FER1L5: variants seen among roughly 807,000 people sequenced by gnomAD.
FER1L5 encodes fer-1 like family member 5.
Under a neutral mutation model 279.9 loss-of-function variants are expected in FER1L5, and 187 were observed. The ratio of observed to expected loss-of-function variants is 0.67; its 90% CI spans 0.59 to 0.75. FER1L5 has a LOEUF of 0.75. Ranked by LOEUF, FER1L5 falls within the 30% of genes least tolerant of loss-of-function variation. FER1L5 has a pLI of 0.00. For missense variants in FER1L5, 2,091 were observed against 2,594.4 expected, an observed-to-expected ratio of 0.81 and a Z score of 4.21; for synonymous variants, 921 against 989.7, an observed-to-expected ratio of 0.93 and a Z score of 1.30.
Position 96,670,229 on chromosome 2 carries a change from T to C in FER1L5, c.1473T>C (p.His491=). Residue 491 remains histidine (H), a synonymous_variant, in exon 18 of 53, where the codon CAT becomes CAC. Coordinates refer to ENST00000624922, the MANE Select transcript of FER1L5 (RefSeq NM_001293083.2). ...YQDSTIKDLS[H]EVTRIEKHQN... ...ACTCCACGATAAAGGATCTCTCCCATGAAGTGACCAGGATAGAGGTAACTG... is the reference window on the plus strand; with the variant it reads ...ACTCCACGATAAAGGATCTCTCCCACGAAGTGACCAGGATAGAGGTAACTG... The C allele has an allele frequency of 6.4e-7, 1 of 1,551,552 alleles. No homozygotes were observed. Among genetic ancestry groups the C allele is most frequent in the South Asian group, 1.2e-5 (1 of 84,060 alleles).
At chr2:96,651,470 TCCCTC>T (rs2075379359) in intron 6 of FER1L5, among the ~76,000 whole-genome samples, 2 of 147,332 alleles carry the variant, frequency 1.4e-5, no homozygotes, top group African/African-American at 2.5e-5. Context: ...CCTTCCTCCG[TCCCTC>T]CCTCCCTCCC....
chr2:96,663,935 C>T (rs771480050), intron 14 of FER1L5, among the ~76,000 whole-genome samples: 2 of 151,940 alleles, frequency 1.3e-5, no homozygotes, highest in Admixed American at 6.6e-5. Context: ...TCCAGCTACT[C>T]GGGAGGGTGA....
At chr2:96,668,709 T>C in intron 14 of FER1L5, 42 bp from the exon 15 acceptor site, 1 of 1,550,478 alleles carries the variant, frequency 6.4e-7, no homozygotes, top group Non-Finnish European at 8.7e-7. Context: ...GGCCAGACCA[T>C]CCCAATGTGT....
chr2:96,687,904 T>C lies in FER1L5; in HGVS notation c.2318T>C (p.Leu773Pro). The C allele has an allele frequency of 6.4e-7, 1 of 1,551,086 alleles. No homozygotes were observed. The highest frequency in any genetic ancestry group is 8.7e-7 in the Non-Finnish European group (1 of 1,146,970). ...GGCAATGTCACAGACAGCAAGGACCTGCAGCTGCTCCGCCAGGGTGACACA... is the reference window on the plus strand; with the variant it reads ...GGCAATGTCACAGACAGCAAGGACCCGCAGCTGCTCCGCCAGGGTGACACA... ...WLGNVTDSKDLQLLRQGDTAV... is the reference protein window; with the variant it reads ...WLGNVTDSKDPQLLRQGDTAV... The change falls in exon 24 of 53, where the codon CTG becomes CCG. Residue 773 changes from leucine to proline, a missense_variant. Transcript: ENST00000624922.
At chr2:96,659,473 CTT>C (rs1251894581) in intron 9 of FER1L5, among the ~76,000 whole-genome samples, 2 of 27,668 alleles carry the variant, frequency 7.2e-5, no homozygotes, top group African/African-American at 6.5e-4. Context: ...TTCTTTCTTT[CTT>C]TCTTTCTTTC....
chr2:96,659,481 C>CTTTCTTTCTTTCTTTCT (rs1558855448), intron 9 of FER1L5, among the ~76,000 whole-genome samples: 1 of 31,374 alleles, frequency 3.2e-5, no homozygotes, highest in African/African-American at 2.8e-4. Flanking sequence ...TTCTTTCTTT[C>CTTTCTTTCTTTCTTTCT]TTTCTTTCTT....
chr2:96,687,732 G>GGGA, intron 23 of FER1L5, 84 bp from the exon 24 acceptor site: 1 of 1,492,852 alleles, frequency 6.7e-7, no homozygotes, highest in East Asian at 2.6e-5. Flanking sequence ...GGGGGAAGGG[G>GGGA]CAGGTACAGC....
intron 21 of FER1L5, among the ~76,000 whole-genome samples, 176 bp downstream of exon 21, chr2:96,685,605 C>T (rs2076891792): frequency 6.6e-6 from 1 of 152,200 alleles, no homozygotes; most frequent in Non-Finnish European, 1.5e-5. Context: ...ATTCAGGCCC[C>T]CTGACCGCCC....
intron 23 of FER1L5, 198 bp from the exon 24 acceptor site, chr2:96,687,618 C>T (rs922480467): frequency 1.2e-5 from 9 of 749,676 alleles, no homozygotes; most frequent in African/African-American, 3.5e-5. Context: ...CTTCATGGCT[C>T]CCAGGGTGGA....
chr2:96,651,253 T>A (rs1042972283), intron 6 of FER1L5, among the ~76,000 whole-genome samples: 1 of 127,744 alleles, frequency 7.8e-6, no homozygotes. Context: ...CTTTCTTTCT[T>A]TCTTTCTTTC....
chr2:96,700,254 G>A (rs1001495039), intron 44 of FER1L5, 78 bp from the exon 45 acceptor site: 19 of 1,593,748 alleles, frequency 1.2e-5, no homozygotes, highest in African/African-American at 6.7e-5. Context: ...GGCTGCGGTC[G>A]GGAGGGTAAG....
intron 14 of FER1L5, 106 bp downstream of exon 14, chr2:96,663,613 A>G (rs2076026772): frequency 7.9e-7 from 1 of 1,261,690 alleles, no homozygotes; most frequent in Non-Finnish European, 1.1e-6. Flanking sequence ...GCCAAAAAGC[A>G]TGGCAAGGGG....
Position 96,700,140 on chromosome 2 carries a change from TC to T in FER1L5, c.4930+62del, listed in dbSNP as rs1319487534. 32 of 1,600,088 alleles carry T rather than the reference TC, an allele frequency of 2.0e-5. 1 individual carries two copies. The stretch of plus-strand genomic sequence containing the variant: ...CACAGGCCTCTGGAAGCTGTGAGGC[TC>T]CAGAATGGAAGAGCTGCAGACTTGG... On this transcript the variant is annotated intron_variant, in intron 44 of 52. Transcript: ENST00000624922.
In FER1L5 at chr2:96,699,777, C is replaced by T. The variant is rs548296020; in HGVS notation, c.4781+57C>T. ...CAGGTGGGGTGGAAGAGTGAGCCTA[C>T]AGCTCCCTTGGGAGAAGCCTGCATC... is the stretch of plus-strand genomic sequence containing the variant. On this transcript the variant is annotated intron_variant, in intron 43 of 52. Transcript: ENST00000624922. 3.7e-6 allele frequency: 6 copies of T among 1,601,628 alleles called. No individual in the cohort carries two copies. In the African/African-American group the frequency reaches 5.4e-5, roughly 14 times the overall value.
rs139057026 is a variant in FER1L5, at chr2:96,644,720, T to C, written c.86-1681T>C. On this transcript the variant is annotated intron_variant, in intron 1 of 52. Coordinates refer to ENST00000624922, the MANE Select transcript of FER1L5 (RefSeq NM_001293083.2). ...CTGTTGTTCTGTGAAACTATGCTTG[T>C]TGAACACAGCAATATTCAGAGATTG... 4.6e-5 allele frequency among the ~76,000 whole-genome samples: 7 copies of C among 152,338 alleles called. No homozygotes were observed. In the East Asian group the frequency reaches 1.3e-3, roughly 29 times the overall value.
rs183733655 is a variant in FER1L5, at chr2:96,665,997, C to T, written c.1140+2490C>T. On this transcript the variant is annotated intron_variant, in intron 14 of 52. Coordinates refer to ENST00000624922, the MANE Select transcript of FER1L5 (RefSeq NM_001293083.2). ...GTTCAAACACCCCTGGAACCTCATC[C>T]ATTTTCCCCAGAACACAGTCTCCAG... 5.3e-5 allele frequency among the ~76,000 whole-genome samples: 8 copies of T among 152,122 alleles called. No homozygotes were observed. The East Asian group carries it at 1.2e-3, about 22-fold the overall frequency.
chr2:96,692,238 G>T (rs1298072024), intron 31 of FER1L5, 57 bp downstream of exon 31: 3 of 1,535,822 alleles, frequency 2.0e-6, no homozygotes, highest in Non-Finnish European at 1.8e-6. Context: ...GAGGAGAGCA[G>T]GGTTGTGTTC....
intron 19 of FER1L5, among the ~76,000 whole-genome samples, chr2:96,676,472 GTTC>G (rs1284409072): frequency 6.6e-6 from 1 of 152,122 alleles, no homozygotes; most frequent in East Asian, 1.9e-4. Flanking sequence ...CGGCCTAGTT[GTTC>G]TTTTACAAAA....
At position 96,693,784 on chromosome 2, in the gene FER1L5, T is replaced by C. The variant is rs2077250436; in HGVS notation, c.3474+97T>C. 6 of 1,484,844 alleles carry C rather than the reference T, an allele frequency of 4.0e-6. No homozygotes were observed. The Admixed American group carries it at 8.9e-5, about 22-fold the overall frequency. The allele number at this position is 1,484,844 out of a possible 1,614,324, so 92.0% of individuals were successfully genotyped here. A position where few individuals can be genotyped will look rare whatever the true frequency, so the allele number is the denominator to read the frequency against. On this transcript the variant is annotated intron_variant, in intron 32 of 52. Transcript: ENST00000624922. ...TGAAAATGTATGGAAAGTGCTCCCA[T>C]GAGGCCTGACGTGCAGACAGCACCA...
Sources: allele counts gnomAD v4.1 joint callset (sites outside exome capture counted in the v4.1 genomes callset), GRCh38; gene constraint gnomAD v4.1.1; transcripts MANE v1.5; gene names NCBI Gene and HGNC (gene_info 2026-07-23, HGNC 2026-07-21).